The following APBB1IP variants were observed in gnomAD, a reference collection of about 807,000 sequenced individuals.
APBB1IP encodes the protein amyloid beta precursor protein binding family B member 1 interacting protein.
In APBB1IP, 27 loss-of-function variants were observed where a neutral mutation model predicts 64.9. The ratio of observed to expected loss-of-function variants is 0.42; its 90% confidence interval spans 0.31 to 0.57. The LOEUF is 0.57. Ranked by LOEUF, APBB1IP falls within the 20% of genes least tolerant of loss-of-function variation. The probability of loss-of-function intolerance (pLI) is 0.20; values close to 1 mark genes in which losing one functional copy is unlikely to be tolerated. For synonymous variants in APBB1IP, 392 were observed against 331.0 expected (o/e 1.18, Z -2.00); for missense variants, 812 against 845.5 (o/e 0.96, Z 0.49).
At chr10:26,510,264 G>A (rs1836236209) in intron 6 of APBB1IP, among the ~76,000 whole-genome samples, 2 of 152,138 alleles carry the variant, frequency 1.3e-5, no homozygotes, top group Non-Finnish European at 2.9e-5. Flanking sequence ...CACCATGCCC[G>A]GCTGAATCAG....
chr10:26,512,904 C>T (rs1836278767), intron 7 of APBB1IP, among the ~76,000 whole-genome samples: 1 of 152,060 alleles, frequency 6.6e-6, no homozygotes, highest in Admixed American at 6.6e-5. Context: ...AATTTCTCTT[C>T]AATTCTGTGA....
intron 2 of APBB1IP, among the ~76,000 whole-genome samples, chr10:26,465,403 TC>T (rs1835637077): frequency 6.6e-6 from 1 of 152,184 alleles, no homozygotes; most frequent in Admixed American, 6.6e-5. Flanking sequence ...TCTATTTTTT[TC>T]GTGACAAACA....
rs1198978667 is a variant in APBB1IP, at chr10:26,476,461, A to AG, written c.1-15866_1-15865insG. ...GACCCTGTCTCAAAAAAAAAAAAAA[A>AG]AAAAGAAGAAAAGAAAAGAAAGGAA... On this transcript the variant is annotated intron_variant, in intron 2 of 14. Coordinates refer to ENST00000376236, the MANE Select transcript of APBB1IP (RefSeq NM_019043.4). 5.4e-3 allele frequency among the ~76,000 whole-genome samples: 809 copies of AG among 148,504 alleles called. 8 individuals carry two copies. Among genetic ancestry groups the AG allele is most frequent in the African/African-American group, 0.019 (762 of 39,112 alleles).
At chr10:26,533,314 T>C (rs2132463089) in intron 8 of APBB1IP, 125 bp from the exon 9 acceptor site, 2 of 509,052 alleles carry the variant, frequency 3.9e-6, no homozygotes, top group South Asian at 8.2e-5. Flanking sequence ...ACTGATATCA[T>C]ATGCTCTGGT....
chr10:26,440,684 T>A (rs1835329561), intron 2 of APBB1IP, among the ~76,000 whole-genome samples: 1 of 152,228 alleles, frequency 6.6e-6, no homozygotes, highest in Admixed American at 6.5e-5. Flanking sequence ...CTAGGTTTTA[T>A]AGTATTTATT....
chr10:26,480,434 G>A (rs896264563), intron 2 of APBB1IP, among the ~76,000 whole-genome samples: 1 of 152,060 alleles, frequency 6.6e-6, no homozygotes, highest in African/African-American at 2.4e-5. Context: ...CTGTGAGGAG[G>A]AAAACCAGGA....
intron 11 of APBB1IP, among the ~76,000 whole-genome samples, chr10:26,556,880 A>G (rs1218184941): frequency 6.6e-6 from 1 of 152,190 alleles, no homozygotes; most frequent in East Asian, 1.9e-4. Flanking sequence ...TTACATGACA[A>G]TCAGAACACA....
At chr10:26,531,394 G>A (rs1029061982) in intron 8 of APBB1IP, among the ~76,000 whole-genome samples, 6 of 152,050 alleles carry the variant, frequency 3.9e-5, no homozygotes, top group East Asian at 3.9e-4. Context: ...GCAGCCAGGC[G>A]CGGTGGCTCA....
chr10:26,459,942 G>C (rs1467529782), intron 2 of APBB1IP, among the ~76,000 whole-genome samples: 1 of 151,772 alleles, frequency 6.6e-6, no homozygotes, highest in Non-Finnish European at 1.5e-5. Flanking sequence ...CATTGCTAAG[G>C]TCATAATTTT....
intron 14 of APBB1IP, among the ~76,000 whole-genome samples, chr10:26,564,323 C>T (rs754212500): frequency 1.3e-5 from 2 of 152,142 alleles, no homozygotes; most frequent in Admixed American, 6.5e-5. Flanking sequence ...AAGGGCTATG[C>T]GTCTATTAGA....
chr10:26,535,719 A>C (rs1391049590), intron 9 of APBB1IP, among the ~76,000 whole-genome samples: 2 of 152,332 alleles, frequency 1.3e-5, no homozygotes, highest in East Asian at 3.9e-4. Flanking sequence ...AATTGCTTTT[A>C]TTAAAGGCTT....
Position 26,556,675 on chromosome 10 carries a change from T to G in APBB1IP, c.1156-3430T>G, listed in dbSNP as rs1167719233. Among the ~76,000 whole-genome samples the G allele has an allele frequency of 2.0e-5, 3 of 152,250 alleles. No individual in the cohort carries two copies. The East Asian group carries it at 5.8e-4, about 29-fold the overall frequency. On this transcript the variant is annotated intron_variant, in intron 11 of 14. Coordinates refer to ENST00000376236, the MANE Select transcript of APBB1IP (RefSeq NM_019043.4). ...ATATAAGCAGTTGCTTTGTGCATTT[T>G]GTTGCAAACACGATGAGATTTAGTC...
intron 10 of APBB1IP, among the ~76,000 whole-genome samples, chr10:26,536,547 T>C (rs1836625630): frequency 2.0e-5 from 3 of 152,092 alleles, no homozygotes; most frequent in Admixed American, 6.6e-5. Context: ...AAATTTCTTT[T>C]ATCTGGAATC....
intron 3 of APBB1IP, among the ~76,000 whole-genome samples, chr10:26,492,748 A>G (rs1332134121): frequency 3.3e-5 from 5 of 152,190 alleles, no homozygotes; most frequent in Non-Finnish European, 7.3e-5. Context: ...ACATGCTTCA[A>G]GGGCAACAAA....
At position 26,471,716 on chromosome 10, in the gene APBB1IP, T is replaced by C. The variant is rs193046456; in HGVS notation, c.1-20611T>C. Among the ~76,000 whole-genome samples, 1,004 of 152,088 alleles carry C rather than the reference T, an allele frequency of 6.6e-3. 15 individuals carry two copies. Among genetic ancestry groups the C allele is most frequent in the African/African-American group, 0.023 (969 of 41,502 alleles). On this transcript the variant is annotated intron_variant, in intron 2 of 14. Transcript: ENST00000376236. ...TGTTTTTTTTTGTGAGACAGAGTCT[T>C]GCTCTGTCGCCAGGCTGGAGGTCAG...
intron 2 of APBB1IP, among the ~76,000 whole-genome samples, chr10:26,464,336 A>G (rs1419018109): frequency 6.6e-6 from 1 of 152,148 alleles, no homozygotes; most frequent in Non-Finnish European, 1.5e-5. Context: ...CTATATGCAA[A>G]CACCGCTATG....
intron 6 of APBB1IP, among the ~76,000 whole-genome samples, chr10:26,508,476 A>G (rs1836212108): frequency 6.6e-6 from 1 of 152,048 alleles, no homozygotes; most frequent in Non-Finnish European, 1.5e-5. Flanking sequence ...CTTGCAAAAA[A>G]AGAAGAAATT....
intron 11 of APBB1IP, among the ~76,000 whole-genome samples, chr10:26,545,283 G>T (rs1010866557): frequency 6.6e-6 from 1 of 152,202 alleles, no homozygotes; most frequent in African/African-American, 2.4e-5. Flanking sequence ...AAAATGCAAA[G>T]AATGAGTGTG....
chr10:26,517,799 C>G (rs1201533139), intron 8 of APBB1IP, among the ~76,000 whole-genome samples: 1 of 152,216 alleles, frequency 6.6e-6, no homozygotes, highest in Non-Finnish European at 1.5e-5. Flanking sequence ...GGATATTTGA[C>G]TTGTTTCTAG....
Sources: allele counts gnomAD v4.1 joint callset (sites outside exome capture counted in the v4.1 genomes callset), GRCh38; gene constraint gnomAD v4.1.1; transcripts MANE v1.5; gene names NCBI Gene and HGNC (gene_info 2026-07-23, HGNC 2026-07-21).